Variants in GRIN3B observed in about 807,000 individuals in gnomAD.
GRIN3B encodes glutamate receptor ionotropic, NMDA 3B.
Under a neutral mutation model 66.0 loss-of-function variants are expected in GRIN3B, and 77 were observed. That is an observed-to-expected ratio of 1.17 (90% CI 0.97 to 1.41). The LOEUF (loss-of-function observed/expected upper bound fraction) is 1.41, where lower values mean the gene tolerates loss of function less well. Ranked by LOEUF, GRIN3B falls within the 40% of genes most tolerant of loss-of-function variation. The probability of loss-of-function intolerance (pLI) is 0.00; values close to 1 mark genes in which losing one functional copy is unlikely to be tolerated. For missense variants in GRIN3B, 1,787 were observed against 1,564.5 expected, an observed-to-expected ratio of 1.14 and a Z score of -2.40; for synonymous variants, 823 against 749.7, an observed-to-expected ratio of 1.10 and a Z score of -1.60.
intron 8 of GRIN3B, 60 bp downstream of exon 8, chr19:1,008,987 C>G (rs1045793866): frequency 3.9e-6 from 6 of 1,544,278 alleles, no homozygotes; most frequent in South Asian, 1.2e-5. Flanking sequence ...ACCCCACCAG[C>G]TCGCCCCGAA....
Position 1,004,812 on chromosome 19 carries a change from G to T in GRIN3B, c.1311G>T (p.Gly437=), listed in dbSNP as rs1335533340. 1.1e-5 allele frequency: 18 copies of T among 1,612,756 alleles called. No homozygotes were observed. The highest frequency in any genetic ancestry group is 1.4e-5 in the Non-Finnish European group (17 of 1,179,532). ...TTGCCCGTGATCCAGACGAAGACGG[G>T]CAGTGCCCAGCGGGGCAGCTGTGCC... is the stretch of plus-strand genomic sequence containing the variant. ...FVFARDPDED[G]QCPAGQLCLD... is the part of the protein sequence containing the mutation. The change falls in exon 3 of 9, where the codon GGG becomes GGT. Residue 437 remains glycine (G), a synonymous_variant. Coordinates refer to ENST00000234389, the MANE Select transcript of GRIN3B (RefSeq NM_138690.3).
rs575985258 is a variant in GRIN3B, at chr19:1,003,256, G to A, written c.553G>A (p.Gly185Ser). 206 of 1,573,260 alleles carry A rather than the reference G, an allele frequency of 1.3e-4. 1 individual carries two copies. In the East Asian group the frequency reaches 2.3e-3, roughly 18 times the overall value. Residue 185 changes from glycine (G) to serine (S), a missense_variant, in exon 2 of 9, where the codon GGC becomes AGC. By Grantham distance (56) the Gly-to-Ser change is moderately conservative. Transcript: ENST00000234389. ...GGCCCTGTGCCGCACTCAGGACCCC[G>A]GCGGCCTGGTGGCCCTCTGGACAAG... The part of the protein sequence containing the change: ...GLALCRTQDP[G>S]GLVALWTSRA...
chr19:1,001,885 C>CGACCTA (rs1402568670), intron 1 of GRIN3B: 1 of 152,312 alleles, frequency 6.6e-6, no homozygotes, highest in African/African-American at 2.4e-5. Context: ...GGCGTGGGAC[C>CGACCTA]GACCTAGCGT....
At chr19:1,006,642 C>A (rs1045332414) in intron 3 of GRIN3B, among the ~76,000 whole-genome samples, 13 of 152,114 alleles carry the variant, frequency 8.5e-5, no homozygotes, top group Non-Finnish European at 1.5e-4. Flanking sequence ...GGTTTTCTGC[C>A]CCGTAGTGTC....
intron 1 of GRIN3B, among the ~76,000 whole-genome samples, chr19:1,001,205 C>T (rs1429071259): frequency 6.6e-6 from 1 of 152,080 alleles, no homozygotes; most frequent in Non-Finnish European, 1.5e-5. Context: ...CAGGCCCCTT[C>T]CCTCCTTCCC....
chr19:1,003,826 C>T (rs1158739401), intron 2 of GRIN3B, 104 bp downstream of exon 2: 4 of 882,826 alleles, frequency 4.5e-6, no homozygotes, highest in Non-Finnish European at 6.3e-6. Context: ...GTGGCTCACG[C>T]CTGTAATCCC....
In GRIN3B at chr19:1,008,768, C is replaced by T. The variant is rs753014714; in HGVS notation, c.2617C>T (p.Leu873=). ...CAAGGGGAGCAGGCTGCAGTACTGG[C>T]TGCACACCAGCCAGGTGGGGAGCGG... ...IRKGSRLQYW[L]HTSQKIHRAL... Residue 873 remains leucine, a synonymous_variant, in exon 7 of 9, where the codon CTG becomes TTG. Coordinates refer to ENST00000234389, the MANE Select transcript of GRIN3B (RefSeq NM_138690.3). The T allele has an allele frequency of 6.2e-7, 1 of 1,603,628 alleles. No individual in the cohort carries two copies. Among genetic ancestry groups the T allele is most frequent in the African/African-American group, 1.3e-5 (1 of 74,598 alleles).
At chr19:1,002,328 G>GCTAA (rs2038691955) in intron 1 of GRIN3B, among the ~76,000 whole-genome samples, 1 of 136,570 alleles carries the variant, frequency 7.3e-6, no homozygotes, top group African/African-American at 2.8e-5. Flanking sequence ...GACCATCCTG[G>GCTAA]CTAACATGGT....
intron 1 of GRIN3B, among the ~76,000 whole-genome samples, chr19:1,001,518 C>A (rs566360331): frequency 6.6e-6 from 1 of 151,706 alleles, no homozygotes; most frequent in South Asian, 2.1e-4. Flanking sequence ...AAGAGAAGGG[C>A]GATTGACTGG....
At position 1,007,910 on chromosome 19, in the gene GRIN3B, C is replaced by T. The variant is rs1488623016; in HGVS notation, c.2253C>T (p.Tyr751=). Residue 751 remains tyrosine, a synonymous_variant, in exon 5 of 9, where the codon TAC becomes TAT. Transcript: ENST00000234389. The surrounding 1 kb of genome is among the most constrained non-coding windows in gnomAD (Gnocchi z 4.4). ...TCATGGACAAGTCGCTCCTGGACTA[C>T]GAGGTCTCCATCGACGCCGACTGCA... ...AFIMDKSLLD[Y]EVSIDADCKL... 5.0e-6 allele frequency: 8 copies of T among 1,611,918 alleles called. No homozygotes were observed. In the South Asian group the frequency reaches 5.5e-5, roughly 11 times the overall value.
chr19:1,007,134 G>A lies in GRIN3B; in HGVS notation c.2053-494G>A, dbSNP rs1368428256. ...TAGGAGCTGTGGAGGGGTGAGCAGT[G>A]GGCAGTTCCCTGTGTTGCAGGTGGC... On this transcript the variant is annotated intron_variant, in intron 3 of 8. Transcript: ENST00000234389. This position sits in a 1 kb window ranked among gnomAD's most constrained non-coding sequence, Gnocchi z 4.4. 6.6e-6 allele frequency among the ~76,000 whole-genome samples: 1 copy of A among 152,160 alleles called. No individual in the cohort carries two copies. Among genetic ancestry groups the A allele is most frequent in the Non-Finnish European group, 1.5e-5 (1 of 68,020 alleles).
rs1423800036 is a variant in GRIN3B at position 1,007,652 on chromosome 19, C to T, written c.2077C>T (p.Arg693Cys). The T allele has an allele frequency of 2.0e-6, 3 of 1,524,396 alleles. No homozygotes were observed. The highest frequency in any genetic ancestry group is 2.6e-5 in the East Asian group (1 of 38,866). 94.4% of individuals were successfully genotyped at this position (1,524,396 alleles called of 1,614,324 possible). A position where few individuals can be genotyped will look rare whatever the true frequency, so the allele number is the denominator to read the frequency against. Residue 693 changes from arginine to cysteine, a missense_variant, in exon 4 of 9, where the codon CGC becomes TGC. Physicochemically the swap from Arg to Cys is radical, Grantham distance 180. Coordinates refer to ENST00000234389, the MANE Select transcript of GRIN3B (RefSeq NM_138690.3). The surrounding 1 kb of genome is among the most constrained non-coding windows in gnomAD (Gnocchi z 4.4). Reference sequence around the variant, plus strand: ...GCTGCACCACCCGGCGCAGGGCTTCCGCTTCGGCACCGTGTGGGAGAGCAG... The same window carrying T: ...GCTGCACCACCCGGCGCAGGGCTTCTGCTTCGGCACCGTGTGGGAGAGCAG... ...PKLHHPAQGF[R>C]FGTVWESSAE...
intron 1 of GRIN3B, among the ~76,000 whole-genome samples, chr19:1,002,465 CAA>C (rs34464705): frequency 0.013 from 1,229 of 93,476 alleles, 10 homozygotes; most frequent in African/African-American, 0.043. Context: ...GACTCCATCT[CAA>C]AAAAAAAAAA....
At chr19:1,008,322 G>T in intron 6 of GRIN3B, 31 bp downstream of exon 6, 1 of 1,137,042 alleles carries the variant, frequency 8.8e-7, no homozygotes. Context: ...GAGGGTGGGG[G>T]TGGGGGTGGG....
rs1220844544 is a variant in GRIN3B at position 1,008,763 on chromosome 19, A to C, written c.2612A>C (p.Tyr871Ser). ...ATCCGCAAGGGGAGCAGGCTGCAGT[A>C]CTGGCTGCACACCAGCCAGGTGGGG... ...PRIRKGSRLQ[Y>S]WLHTSQKIHR... The change falls in exon 7 of 9, where the codon TAC becomes TCC. Residue 871 changes from tyrosine (Y) to serine (S), a missense_variant. By Grantham distance (144) the Tyr-to-Ser change is moderately radical. Coordinates refer to ENST00000234389, the MANE Select transcript of GRIN3B (RefSeq NM_138690.3). The C allele has an allele frequency of 6.2e-7, 1 of 1,604,374 alleles. No homozygotes were observed.
intron 6 of GRIN3B, 33 bp downstream of exon 6, chr19:1,008,324 G>T (rs761820987): frequency 2.8e-6 from 3 of 1,055,308 alleles, no homozygotes; most frequent in Non-Finnish European, 4.2e-6. Context: ...GGGTGGGGGT[G>T]GGGGTGGGCG....
Position 1,005,342 on chromosome 19 carries a change from TCTC to T in GRIN3B, c.1844_1846del (p.Ser615del), listed in dbSNP as rs796293537. On this transcript the variant is annotated inframe_deletion, in exon 3 of 9. Coordinates refer to ENST00000234389, the MANE Select transcript of GRIN3B (RefSeq NM_138690.3). The surrounding 1 kb of genome is among the most constrained non-coding windows in gnomAD (Gnocchi z 5.2). ...CGTGGCCGCAACCGCAGCACCGTCT[TCTC>T]CTACTCCTCAGCCCTCAACCTGTGC... is the stretch of plus-strand genomic sequence containing the variant. 9.9e-6 allele frequency: 16 copies of T among 1,613,750 alleles called. No individual in the cohort carries two copies. The highest frequency in any genetic ancestry group is 2.2e-5 in the East Asian group (1 of 44,874).
rs775671499 is a variant in GRIN3B, at chr19:1,005,094, C to A, written c.1593C>A (p.Ser531Arg). The change falls in exon 3 of 9, where the codon AGC becomes AGA. Residue 531 changes from serine to arginine, a missense_variant. Ser to Arg is a moderately radical substitution (Grantham distance 110). Transcript: ENST00000234389. This position sits in a 1 kb window ranked among gnomAD's most constrained non-coding sequence, Gnocchi z 5.2. Reference sequence around the variant, plus strand: ...GCCGGGCCCACATGGCGGTCACCAGCTTCAGTATCAACTCCGCCCGCTCAC... The same window carrying A: ...GCCGGGCCCACATGGCGGTCACCAGATTCAGTATCAACTCCGCCCGCTCAC... ...LAGRAHMAVT[S>R]FSINSARSQV... The A allele has an allele frequency of 6.2e-7, 1 of 1,612,462 alleles. No homozygotes were observed. Among genetic ancestry groups the A allele is most frequent in the Non-Finnish European group, 8.5e-7 (1 of 1,179,588 alleles).
Position 1,000,710 on chromosome 19 carries a change from G to A in GRIN3B, c.273G>A (p.Leu91=). The part of the protein sequence containing the change: ...ARDPASLTRG[L]CQALVPPGVA... ...ACCCCGCCTCGCTGACCCGCGGCCT[G>A]TGCCAGGCGCTGGTGCCTCCGGGCG... is the stretch of plus-strand genomic sequence containing the variant. Residue 91 remains leucine, a synonymous_variant, in exon 1 of 9, where the codon CTG becomes CTA. Coordinates refer to ENST00000234389, the MANE Select transcript of GRIN3B (RefSeq NM_138690.3). 1 of 1,415,738 alleles carries A rather than the reference G, an allele frequency of 7.1e-7. No individual in the cohort carries two copies. The highest frequency in any genetic ancestry group is 1.4e-5 in the South Asian group (1 of 70,428). 87.7% of individuals were successfully genotyped at this position (1,415,738 alleles called of 1,614,324 possible).
Sources: gnomAD v4.1 joint callset for allele counts (sites outside exome capture counted in the v4.1 genomes callset) on GRCh38, gnomAD v4.1.1 for gene constraint, Gnocchi (gnomAD v3.1) non-coding constraint, MANE v1.5 for transcripts, NCBI Gene and HGNC (gene_info 2026-07-23, HGNC 2026-07-21) for gene names.